Variants in MEF2B observed in about 807,000 individuals in gnomAD.
MEF2B encodes myocyte enhancer factor 2B, also known as myocyte-specific enhancer factor 2B.
In MEF2B, 15 loss-of-function variants were observed where a neutral mutation model predicts 32.2. The ratio of observed to expected loss-of-function variants is 0.47; its 90% CI spans 0.31 to 0.72. MEF2B has a LOEUF of 0.72. Ranked by LOEUF, MEF2B falls within the 30% of genes least tolerant of loss-of-function variation. MEF2B has a pLI of 0.05. For missense variants in MEF2B, 441 were observed against 511.5 expected (o/e 0.86, Z 1.33); for synonymous variants, 205 against 225.6 (o/e 0.91, Z 0.82).
intron 1 of MEF2B, among the ~76,000 whole-genome samples, chr19:19,160,649 C>A (rs1468852476): frequency 1.6e-5 from 2 of 128,076 alleles, no homozygotes; most frequent in East Asian, 2.2e-4. Context: ...GGTGAGGGCC[C>A]GCGGGAGGCG....
chr19:19,160,264 G>A (rs968952885), intron 1 of MEF2B, among the ~76,000 whole-genome samples: 23 of 151,848 alleles, frequency 1.5e-4, no homozygotes, highest in Admixed American at 1.3e-3. Context: ...GCCACCACAC[G>A]GGGGCCTCTA....
chr19:19,149,091 G>C, intron 3 of MEF2B, 135 bp downstream of exon 3: 2 of 1,162,286 alleles, frequency 1.7e-6, no homozygotes, highest in Non-Finnish European at 2.4e-6. Context: ...CCCTTCTAGG[G>C]ACAGCAGAAA....
At chr19:19,147,871 T>G (rs1568546135) in intron 3 of MEF2B, 39 bp from the exon 4 acceptor site, 1 of 1,588,970 alleles carries the variant, frequency 6.3e-7, no homozygotes, top group Non-Finnish European at 8.6e-7. Context: ...CCCTTACCCC[T>G]ACCCCACCCA....
intron 5 of MEF2B, 42 bp from the exon 6 acceptor site, chr19:19,146,917 A>T (rs757987034): frequency 5.5e-5 from 87 of 1,590,968 alleles, no homozygotes; most frequent in Non-Finnish European, 7.4e-5. Context: ...CAGGCAGGCC[A>T]TGTCAACTAA....
At chr19:19,150,636 T>G in intron 2 of MEF2B, 46 bp downstream of exon 2, 1 of 1,612,606 alleles carries the variant, frequency 6.2e-7, no homozygotes, top group Non-Finnish European at 8.5e-7. Flanking sequence ...CCATGCCCCC[T>G]GCTAGGAATG....
At chr19:19,151,210 G>T (rs547790593) in intron 1 of MEF2B, among the ~76,000 whole-genome samples, 2 of 152,202 alleles carry the variant, frequency 1.3e-5, no homozygotes, top group Admixed American at 6.5e-5. Context: ...CTATGATCTT[G>T]CCACTGCACT....
At chr19:19,169,444 T>C (rs984188927) in intron 1 of MEF2B, among the ~76,000 whole-genome samples, 2 of 152,090 alleles carry the variant, frequency 1.3e-5, no homozygotes, top group Admixed American at 1.3e-4. Context: ...GCTCAAGTGA[T>C]CCTCCTGCCT....
Position 19,147,825 on chromosome 19 carries a change from T to C in MEF2B, c.266A>G (p.Lys89Arg), listed in dbSNP as rs781404148. The C allele has an allele frequency of 1.2e-5, 20 of 1,613,276 alleles. No homozygotes were observed. In the East Asian group the frequency reaches 3.6e-4, roughly 29 times the overall value. Residue 89 changes from lysine (K) to arginine (R), a missense_variant, in exon 4 of 9, where the codon AAG becomes AGG. Physicochemically the swap from Lys to Arg is conservative, Grantham distance 26 (BLOSUM62 2). Transcript: ENST00000424583. ...RTNTDILETL[K>R]RRGIGLDGPE... ...CCCATCGAGGCCAATGCCCCTCCGC[T>C]TCAGCGTCTATGGGGACAGGAGACA...
chr19:19,146,670 G>A (rs555099562), intron 6 of MEF2B, 22 bp from the exon 7 acceptor site: 4 of 1,613,440 alleles, frequency 2.5e-6, no homozygotes, highest in Admixed American at 3.3e-5. Context: ...GAGGGTGAAG[G>A]GGAAACTGAG....
intron 1 of MEF2B, among the ~76,000 whole-genome samples, chr19:19,152,147 G>C (rs2060087797): frequency 6.6e-6 from 1 of 151,496 alleles, no homozygotes; most frequent in South Asian, 2.1e-4. Flanking sequence ...TTTTAGTAGA[G>C]ACGAGGTTTC....
Position 19,147,777 on chromosome 19 carries a change from C to G in MEF2B, c.314G>C (p.Gly105Ala). 1.2e-6 allele frequency: 2 copies of G among 1,613,930 alleles called. No individual in the cohort carries two copies. Among genetic ancestry groups the G allele is most frequent in the Middle Eastern group, 1.7e-4 (1 of 6,056 alleles). Residue 105 changes from glycine to alanine, a missense_variant, in exon 4 of 9, where the codon GGG becomes GCG. Gly to Ala is a moderately conservative substitution (Grantham distance 60). This residue lies in a region of MEF2B where 115 missense variants were observed against 183.1 expected (regional missense o/e 0.63). Transcript: ENST00000424583. ...AAACTTCTCTCCTGGCTCCTCAGGC[C>G]CTTCATCCGGCTCCAGCTCTGGCCC... The part of the protein sequence containing the change: ...LDGPELEPDE[G>A]PEEPGEKFRR...
chr19:19,161,363 CAG>C (rs1175286826), intron 1 of MEF2B, among the ~76,000 whole-genome samples: 1 of 151,962 alleles, frequency 6.6e-6, no homozygotes, highest in African/African-American at 2.4e-5. Flanking sequence ...GACCCCCAAA[CAG>C]AGCCGCAGAA....
Position 19,147,099 on chromosome 19 carries a change from C to T in MEF2B, c.478G>A (p.Ala160Thr), listed in dbSNP as rs1456108135. Residue 160 changes from alanine to threonine, a missense_variant, in exon 5 of 9, where the codon GCA becomes ACA. By Grantham distance (58) the Ala-to-Thr change is moderately conservative. Coordinates refer to ENST00000424583, the MANE Select transcript of MEF2B (RefSeq NM_001145785.2). ...PGCDPSGLGE[A>T]LPAQSRPSPF... ...GATGGGCGGCTCTGGGCGGGCAGTG[C>T]TTCCCCAAGCCCACTGGGGTCACAG... The T allele has an allele frequency of 6.2e-7, 1 of 1,609,030 alleles. No homozygotes were observed. Among genetic ancestry groups the T allele is most frequent in the South Asian group, 1.1e-5 (1 of 90,496 alleles).
chr19:19,149,521 G>T, intron 2 of MEF2B, 92 bp from the exon 3 acceptor site: 1 of 1,505,742 alleles, frequency 6.6e-7, no homozygotes. Context: ...ACCCTTCCTC[G>T]AACATGCCTC....
chr19:19,157,098 G>C (rs953095166), intron 1 of MEF2B: 17 of 245,032 alleles, frequency 6.9e-5, no homozygotes, highest in Non-Finnish European at 1.5e-4. Flanking sequence ...TACAGTGAGC[G>C]ATGATGATCT....
At chr19:19,162,128 T>G (rs185397414) in intron 1 of MEF2B, among the ~76,000 whole-genome samples, 30 of 141,294 alleles carry the variant, frequency 2.1e-4, no homozygotes, top group African/African-American at 7.2e-4. Context: ...ATTATTATTA[T>G]TTTTTTTTGA....
intron 2 of MEF2B, 104 bp downstream of exon 2, chr19:19,150,577 CT>C: frequency 6.8e-7 from 1 of 1,474,120 alleles, no homozygotes; most frequent in Non-Finnish European, 9.3e-7. Flanking sequence ...CTCCTCATGC[CT>C]CCTCATTCCC....
In MEF2B at chr19:19,147,686, G is replaced by A. The variant is rs1225652306; in HGVS notation, c.393+12C>T. 6.2e-7 allele frequency: 1 copy of A among 1,612,042 alleles called. No individual in the cohort carries two copies. Among genetic ancestry groups the A allele is most frequent in the South Asian group, 1.1e-5 (1 of 90,780 alleles). On this transcript the variant is annotated intron_variant, in intron 4 of 8. Transcript: ENST00000424583. Reference sequence around the variant, plus strand: ...AGGAATGCCTCATTCACAGGGCCAGGGAGTCACTTACATACAGCCGGGGTC... The same window carrying A: ...AGGAATGCCTCATTCACAGGGCCAGAGAGTCACTTACATACAGCCGGGGTC...
At position 19,147,128 on chromosome 19, in the gene MEF2B, G is replaced by C. The variant is rs140321393; in HGVS notation, c.449C>G (p.Pro150Arg). 3.7e-6 allele frequency: 6 copies of C among 1,603,564 alleles called. No homozygotes were observed. The highest frequency in any genetic ancestry group is 5.1e-6 in the Non-Finnish European group (6 of 1,175,978). ...CCCAAGCCCACTGGGGTCACAGCCT[G>C]GTGGCGGTAAGGCCCCGTATACCAC... Reference protein sequence around the residue: ...PDVVYGALPPPGCDPSGLGEA... With the variant: ...PDVVYGALPPRGCDPSGLGEA... The change falls in exon 5 of 9, where the codon CCA becomes CGA. Residue 150 changes from proline (P) to arginine (R), a missense_variant. By Grantham distance (103) the Pro-to-Arg change is moderately radical (BLOSUM62 -2). Transcript: ENST00000424583.
Sources: allele counts gnomAD v4.1 joint callset (sites outside exome capture counted in the v4.1 genomes callset), GRCh38; gene constraint gnomAD v4.1.1; regional missense constraint gnomAD v4.1.1; transcripts MANE v1.5; gene names NCBI Gene and HGNC (gene_info 2026-07-23, HGNC 2026-07-21).